The following SNX8 variants were observed in gnomAD, a reference collection of about 807,000 sequenced individuals.
SNX8 encodes sorting nexin 8, also known as sorting nexin-8.
Under a neutral mutation model 51.6 loss-of-function variants are expected in SNX8, and 25 were observed. The ratio of observed to expected loss-of-function variants is 0.48; its 90% CI spans 0.35 to 0.68. The LOEUF is 0.68. Ranked by LOEUF, SNX8 falls within the 30% of genes least tolerant of loss-of-function variation. The probability of loss-of-function intolerance (pLI) is 0.00; values close to 1 mark genes in which losing one functional copy is unlikely to be tolerated. For missense variants in SNX8, 695 were observed against 624.0 expected, an observed-to-expected ratio of 1.11 and a Z score of -1.21; for synonymous variants, 324 against 277.0, an observed-to-expected ratio of 1.17 and a Z score of -1.68.
intron 7 of SNX8, 148 bp from the exon 8 acceptor site, chr7:2,257,951 C>A: frequency 1.5e-6 from 1 of 683,458 alleles, no homozygotes. Context: ...CTGCAGGGGG[C>A]CCCCTTCCCC....
intron 1 of SNX8, among the ~76,000 whole-genome samples, chr7:2,282,216 A>G (rs1304726346): frequency 6.6e-6 from 1 of 152,208 alleles, no homozygotes; most frequent in East Asian, 1.9e-4. Context: ...ACTAAAACTC[A>G]GAATGCATTC....
At chr7:2,304,844 C>G (rs1248701432) in intron 1 of SNX8, among the ~76,000 whole-genome samples, 1 of 152,094 alleles carries the variant, frequency 6.6e-6, no homozygotes. Flanking sequence ...ACTAAGTGGC[C>G]GGTTCTTGAA....
At chr7:2,325,097 G>T (rs934392549) in intron 1 of SNX8, among the ~76,000 whole-genome samples, 2 of 152,178 alleles carry the variant, frequency 1.3e-5, no homozygotes, top group East Asian at 1.9e-4. Context: ...CTCCCAAAGT[G>T]CCAGGATTAC....
chr7:2,310,844 A>C (rs931092248), intron 1 of SNX8, among the ~76,000 whole-genome samples: 10 of 152,198 alleles, frequency 6.6e-5, no homozygotes, highest in Non-Finnish European at 1.5e-4. Flanking sequence ...AAACATGAGC[A>C]CACTTATATA....
chr7:2,260,942 C>G (rs1795320336), intron 7 of SNX8, among the ~76,000 whole-genome samples: 1 of 152,196 alleles, frequency 6.6e-6, no homozygotes, highest in Non-Finnish European at 1.5e-5. Context: ...AGGGCTGAAT[C>G]AGAAAAAACC....
At chr7:2,346,916 C>A (rs549105086) in intron 1 of SNX8, among the ~76,000 whole-genome samples, 9 of 127,432 alleles carry the variant, frequency 7.1e-5, no homozygotes, top group Non-Finnish European at 1.5e-4. Context: ...ATTGAGACTC[C>A]GTCTCAAAAA....
chr7:2,269,629 T>A lies in SNX8; in HGVS notation c.551A>T (p.Asn184Ile), dbSNP rs752909431. Reference sequence around the variant, plus strand: ...GCACTGTGCTGACTCCTTTAACTTGTTCTGCACATCCTGCAAAAGGAAAAC... The same window carrying A: ...GCACTGTGCTGACTCCTTTAACTTGATCTGCACATCCTGCAAAAGGAAAAC... ...FLSFSGSDVQNKLKESAQCVG... is the reference protein window; with the variant it reads ...FLSFSGSDVQIKLKESAQCVG... The change falls in exon 5 of 11, where the codon AAC becomes ATC. Residue 184 changes from asparagine (N) to isoleucine (I), a missense_variant. By Grantham distance (149) the Asn-to-Ile change is moderately radical (BLOSUM62 -3). Coordinates refer to ENST00000222990, the MANE Select transcript of SNX8 (RefSeq NM_013321.4). 2 of 1,597,722 alleles carry A rather than the reference T, an allele frequency of 1.3e-6. No individual in the cohort carries two copies. Among genetic ancestry groups the A allele is most frequent in the Non-Finnish European group, 1.7e-6 (2 of 1,172,314 alleles).
At chr7:2,307,557 G>A (rs13247196) in intron 1 of SNX8, among the ~76,000 whole-genome samples, 2,091 of 150,802 alleles carry the variant, frequency 0.014, 26 homozygotes, top group Non-Finnish European at 0.021. Flanking sequence ...GCTTGAACCC[G>A]GGAGGCGGAG....
chr7:2,329,493 A>T (rs543318531), intron 1 of SNX8, among the ~76,000 whole-genome samples: 1 of 152,150 alleles, frequency 6.6e-6, no homozygotes, highest in South Asian at 2.1e-4. Context: ...TCCTTGCTAC[A>T]GTGTTTTGTG....
upstream of SNX8, among the ~76,000 whole-genome samples, chr7:2,319,433 G>A (rs1796800845): frequency 2.0e-5 from 3 of 152,200 alleles, no homozygotes; most frequent in African/African-American, 4.8e-5. Flanking sequence ...GCAGAGGTGG[G>A]CGCATCACCT....
chr7:2,281,124 TAAGAAAAAGA>T (rs1381490214), intron 1 of SNX8, among the ~76,000 whole-genome samples: 5 of 151,542 alleles, frequency 3.3e-5, no homozygotes, highest in Non-Finnish European at 5.9e-5. Flanking sequence ...AAATTTTAAT[TAAGAAAAAGA>T]AAGAAAAAGA....
upstream of SNX8, chr7:2,354,350 C>T (rs1422173781): frequency 6.6e-6 from 1 of 152,224 alleles, no homozygotes; most frequent in African/African-American, 2.4e-5. Flanking sequence ...AAGTGACAGA[C>T]ACGGACAGGG....
Position 2,340,367 on chromosome 7 carries a change from C to T in SNX8, c.-66+13855G>A, listed in dbSNP as rs892744539. Among the ~76,000 whole-genome samples the T allele has an allele frequency of 5.3e-5, 8 of 151,750 alleles. No individual in the cohort carries two copies. In the East Asian group the frequency reaches 9.7e-4, roughly 18 times the overall value. ...GATTACAGGCGTGACCCACCATGCC[C>T]GGCCTACACTACAAAACTTTTAGAG... On this transcript the variant is annotated intron_variant, in intron 1 of 5. Transcript: ENST00000435336.
intron 7 of SNX8, among the ~76,000 whole-genome samples, chr7:2,263,014 G>A (rs868183283): frequency 4.6e-5 from 7 of 152,392 alleles, no homozygotes; most frequent in Middle Eastern, 6.8e-3. Context: ...AGCTACTCAG[G>A]AGGCTAAGGC....
intron 2 of SNX8, among the ~76,000 whole-genome samples, chr7:2,276,011 A>C (rs1359920667): frequency 6.6e-6 from 1 of 152,120 alleles, no homozygotes; most frequent in Non-Finnish European, 1.5e-5. Context: ...AAAAAAAAAA[A>C]AACTAAACAA....
chr7:2,338,688 C>T (rs1778872682), intron 1 of SNX8, among the ~76,000 whole-genome samples: 1 of 152,086 alleles, frequency 6.6e-6, no homozygotes, highest in Non-Finnish European at 1.5e-5. Flanking sequence ...TCTCAAATAA[C>T]AGGGTTGACC....
intron 1 of SNX8, among the ~76,000 whole-genome samples, chr7:2,330,371 C>T (rs1778708592): frequency 6.6e-6 from 1 of 151,964 alleles, no homozygotes; most frequent in Non-Finnish European, 1.5e-5. Context: ...CTCCCAACCT[C>T]AAGTGATCTG....
chr7:2,330,613 G>C (rs1485007158), intron 1 of SNX8, among the ~76,000 whole-genome samples: 1 of 152,058 alleles, frequency 6.6e-6, no homozygotes, highest in Non-Finnish European at 1.5e-5. Flanking sequence ...GGGATAGGTA[G>C]TCTTGGGAAC....
chr7:2,260,010 G>A (rs923035098), intron 7 of SNX8, among the ~76,000 whole-genome samples: 1 of 152,030 alleles, frequency 6.6e-6, no homozygotes, highest in Non-Finnish European at 1.5e-5. Context: ...AAAAAAGAAA[G>A]AGAGAGAGAA....
Sources: gnomAD v4.1 joint callset for allele counts (sites outside exome capture counted in the v4.1 genomes callset) on GRCh38, gnomAD v4.1.1 for gene constraint, MANE v1.5 for transcripts, NCBI Gene and HGNC (gene_info 2026-07-23, HGNC 2026-07-21) for gene names.